The following SIAE variants were observed in gnomAD, a reference collection of about 807,000 sequenced individuals.
SIAE encodes the protein sialate O-acetylesterase.
SIAE carries 39 observed loss-of-function variants against 52.6 expected under a neutral mutation model. The ratio of observed to expected loss-of-function variants is 0.74; its 90% confidence interval spans 0.57 to 0.97. The LOEUF is 0.97. Ranked by LOEUF, SIAE falls within the 50% of genes least tolerant of loss-of-function variation. The pLI, the probability that SIAE is intolerant of heterozygous loss-of-function variation, is 0.00. For missense variants in SIAE, 592 were observed against 662.1 expected, an observed-to-expected ratio of 0.89 and a Z score of 1.16; for synonymous variants, 233 against 241.4, an observed-to-expected ratio of 0.97 and a Z score of 0.32.
chr11:124,669,719 A>G, intron 1 of SIAE, 198 bp from the exon 2 acceptor site: 1 of 592,424 alleles, frequency 1.7e-6, no homozygotes, highest in Non-Finnish European at 3.0e-6. Context: ...AACAGTATGC[A>G]TCATAGCACA....
In SIAE at chr11:124,637,158, A is replaced by G; in HGVS notation, c.1365T>C (p.Ser455=). The stretch of plus-strand genomic sequence containing the variant: ...GGGACTGGGTGGAGACGGTGTTCAT[A>G]GAAGCTGGAAGCCACTTGCATCGAT... ...SDHRCKWLPA[S]MNTVSTQSLT... is the part of the protein sequence containing the mutation. The change falls in exon 10 of 10, where the codon TCT becomes TCC. Residue 455 remains serine, a synonymous_variant. Coordinates refer to ENST00000263593, the MANE Select transcript of SIAE (RefSeq NM_170601.5). 4.3e-6 allele frequency: 7 copies of G among 1,614,214 alleles called. No homozygotes were observed. The South Asian group carries it at 7.7e-5, about 18-fold the overall frequency.
In SIAE at chr11:124,639,134, T is replaced by G. The variant is rs560260917; in HGVS notation, c.1125-397A>C. On this transcript the variant is annotated intron_variant, in intron 8 of 9. Coordinates refer to ENST00000263593, the MANE Select transcript of SIAE (RefSeq NM_170601.5). ...GTCCCCTAGAGCTTTTATTCATTTATTCAATAAATCAATCAAGTTCCTCCT... is the reference window on the plus strand; with the variant it reads ...GTCCCCTAGAGCTTTTATTCATTTAGTCAATAAATCAATCAAGTTCCTCCT... Among the ~76,000 whole-genome samples, 9 of 152,338 alleles carry G rather than the reference T, an allele frequency of 5.9e-5. No homozygotes were observed. The South Asian group carries it at 1.9e-3, about 32-fold the overall frequency.
intron 2 of SIAE, among the ~76,000 whole-genome samples, chr11:124,665,582 C>T (rs117621571): frequency 6.6e-6 from 1 of 152,178 alleles, no homozygotes; most frequent in East Asian, 1.9e-4. Flanking sequence ...TTCAGACCCA[C>T]AGAAATTGTG....
chr11:124,654,661 TGGGCTTAGACCAC>T lies in SIAE; in HGVS notation c.525_537del (p.Trp176ProfsTer5), dbSNP rs766208423. 3.7e-6 allele frequency: 6 copies of T among 1,614,138 alleles called. No homozygotes were observed. The highest frequency in any genetic ancestry group is 1.7e-4 in the Middle Eastern group (1 of 6,060). The stretch of plus-strand genomic sequence containing the variant: ...CGTTCAAGCCGTCACATACCTGAGG[TGGGCTTAGACCAC>T]TGCAAGTCAACCGCAACAAGGTCCT... On this transcript the variant is annotated frameshift_variant, in exon 4 of 10. Transcript: ENST00000263593. LOFTEE classifies it high-confidence loss of function.
intron 1 of SIAE, 183 bp from the exon 2 acceptor site, chr11:124,669,704 T>C: frequency 1.5e-6 from 1 of 647,084 alleles, no homozygotes; most frequent in Non-Finnish European, 2.8e-6. Flanking sequence ...ACAAGAACAG[T>C]TTCCAACAGT....
rs1355099306 is a variant in SIAE at position 124,645,887 on chromosome 11, G to A, written c.966+1478C>T. 6.6e-6 allele frequency among the ~76,000 whole-genome samples: 1 copy of A among 152,138 alleles called. No individual in the cohort carries two copies. The highest frequency in any genetic ancestry group is 6.5e-5 in the Admixed American group (1 of 15,270). ...ATCATAAAGGCATTTTAAGTGAGAA[G>A]GTCTATACAAATATTCAAAAGAAGG... On this transcript the variant is annotated intron_variant, in intron 7 of 9. Coordinates refer to ENST00000263593, the MANE Select transcript of SIAE (RefSeq NM_170601.5). The surrounding 1 kb of genome is among the most constrained non-coding windows in gnomAD (Gnocchi z 4.7).
intron 2 of SIAE, among the ~76,000 whole-genome samples, chr11:124,668,913 G>A (rs1239971211): frequency 6.6e-6 from 1 of 152,158 alleles, no homozygotes; most frequent in Non-Finnish European, 1.5e-5. Flanking sequence ...AGGTAAGAAG[G>A]TAAGAAGGTT....
At chr11:124,674,563 C>T (rs1427369546), upstream of SIAE, 1 of 152,156 alleles carries the variant, frequency 6.6e-6, no homozygotes, top group Non-Finnish European at 1.5e-5. Flanking sequence ...TTAATCTAGC[C>T]CTTGTATTTC....
At chr11:124,668,023 T>C (rs1447180915) in intron 2 of SIAE, among the ~76,000 whole-genome samples, 1 of 152,124 alleles carries the variant, frequency 6.6e-6, no homozygotes, top group African/African-American at 2.4e-5. Context: ...TTCTAAAATA[T>C]CTATCATATT....
intron 2 of SIAE, 95 bp downstream of exon 2, chr11:124,669,265 T>C (rs1458233707): frequency 1.4e-6 from 2 of 1,452,872 alleles, no homozygotes; most frequent in Non-Finnish European, 1.9e-6. Flanking sequence ...TAGGGACGGA[T>C]GGATAATGTG....
intron 2 of SIAE, among the ~76,000 whole-genome samples, chr11:124,668,446 T>G (rs992457353): frequency 6.6e-6 from 1 of 152,248 alleles, no homozygotes; most frequent in Non-Finnish European, 1.5e-5. Context: ...GTATCACCAG[T>G]ACCTAGCACA....
At chr11:124,652,667 C>T (rs1276418728) in intron 4 of SIAE, among the ~76,000 whole-genome samples, 1 of 143,920 alleles carries the variant, frequency 6.9e-6, no homozygotes, top group Non-Finnish European at 1.5e-5. Context: ...GCACTCTAGC[C>T]TGGGTAACAG....
chr11:124,674,705 C>G (rs1440324107), upstream of SIAE: 3 of 151,588 alleles, frequency 2.0e-5, no homozygotes, highest in African/African-American at 7.3e-5. Context: ...CACACGCACG[C>G]ACAACCCCAT....
At chr11:124,674,884 A>G (rs1328010980), upstream of SIAE, 3 of 151,534 alleles carry the variant, frequency 2.0e-5, no homozygotes, top group Non-Finnish European at 2.8e-5. Flanking sequence ...GCAATTGACA[A>G]TGAATTTAAC....
At chr11:124,641,892 G>A (rs1325246913) in intron 7 of SIAE, among the ~76,000 whole-genome samples, 1 of 150,608 alleles carries the variant, frequency 6.6e-6, no homozygotes. Context: ...CCCAGGAGGC[G>A]GAGGTTGCAG....
chr11:124,643,207 G>A (rs909699214), intron 7 of SIAE, among the ~76,000 whole-genome samples: 2 of 152,204 alleles, frequency 1.3e-5, no homozygotes, highest in Non-Finnish European at 2.9e-5. Context: ...GCCCCAGGAC[G>A]GGAGTATGCC....
At chr11:124,673,564 G>A (rs1943406748) in intron 1 of SIAE, 78 bp downstream of exon 1, 1 of 1,505,208 alleles carries the variant, frequency 6.6e-7, no homozygotes, top group South Asian at 1.2e-5. Flanking sequence ...GCGCGGATCC[G>A]TGTCCCGCAG....
intron 5 of SIAE, 122 bp from the exon 6 acceptor site, chr11:124,648,297 A>G (rs1591387359): frequency 1.4e-6 from 1 of 730,910 alleles, no homozygotes; most frequent in East Asian, 2.6e-5. Context: ...ACACAGAATT[A>G]AAATTGAATC....
rs1943315719 is a variant in SIAE at position 124,669,298 on chromosome 11, T to C, written c.229+62A>G. On this transcript the variant is annotated intron_variant, in intron 2 of 9. Coordinates refer to ENST00000263593, the MANE Select transcript of SIAE (RefSeq NM_170601.5). ...GTGAGCTACAGCATTAGCATTCATT[T>C]TCAGATAATCCAGCAGGTGGCAGAA... The C allele has an allele frequency of 8.2e-6, 13 of 1,590,512 alleles. No homozygotes were observed. The South Asian group carries it at 1.4e-4, about 18-fold the overall frequency.
Sources: gnomAD v4.1 joint callset for allele counts (sites outside exome capture counted in the v4.1 genomes callset) on GRCh38, gnomAD v4.1.1 for gene constraint, Gnocchi (gnomAD v3.1) non-coding constraint, MANE v1.5 for transcripts, NCBI Gene and HGNC (gene_info 2026-07-23, HGNC 2026-07-21) for gene names.